Variants in MPDZ observed in about 807,000 individuals in gnomAD.
MPDZ encodes multiple PDZ domain protein.
A neutral mutation model predicts 239.1 loss-of-function variants in MPDZ; 234 were observed. The observed-to-expected ratio is 0.98, with a 90% CI of 0.88 to 1.09. The LOEUF (loss-of-function observed/expected upper bound fraction) is 1.09, where lower values mean the gene tolerates loss of function less well. Ranked by LOEUF, MPDZ falls within the 50% of genes least tolerant of loss-of-function variation. The probability of loss-of-function intolerance (pLI) is 0.00; values close to 1 mark genes in which losing one functional copy is unlikely to be tolerated. For synonymous variants in MPDZ, 1,048 were observed against 881.3 expected (o/e 1.19, Z -3.35); for missense variants, 3,175 against 2,510.0 (o/e 1.26, Z -5.66).
At chr9:13,257,384 A>G (rs1296875015) in intron 1 of MPDZ, among the ~76,000 whole-genome samples, 1 of 152,202 alleles carries the variant, frequency 6.6e-6, no homozygotes, top group African/African-American at 2.4e-5. Context: ...AACAGCTAGT[A>G]AATGGGAGAA....
chr9:13,198,368 T>C (rs1955913050), intron 12 of MPDZ, among the ~76,000 whole-genome samples: 1 of 152,172 alleles, frequency 6.6e-6, no homozygotes, highest in Non-Finnish European at 1.5e-5. Context: ...TTTTTTCATA[T>C]ACCTATTGGC....
At chr9:13,220,550 G>A (rs974840032) in intron 7 of MPDZ, among the ~76,000 whole-genome samples, 1 of 151,878 alleles carries the variant, frequency 6.6e-6, no homozygotes, top group African/African-American at 2.4e-5. Context: ...GCTAGTCAAC[G>A]AGAGACATTT....
At chr9:13,275,790 G>C (rs1258138833) in intron 1 of MPDZ, among the ~76,000 whole-genome samples, 1 of 152,006 alleles carries the variant, frequency 6.6e-6, no homozygotes, top group African/African-American at 2.4e-5. Flanking sequence ...CTTTTCCCCT[G>C]GGCACAAATC....
intron 1 of MPDZ, among the ~76,000 whole-genome samples, chr9:13,262,542 T>C (rs1029170190): frequency 4.0e-5 from 6 of 151,770 alleles, no homozygotes; most frequent in African/African-American, 1.5e-4. Flanking sequence ...TTCAGCCAAG[T>C]ATACACGTTA....
chr9:13,155,453 A>G (rs1314536554), intron 24 of MPDZ, among the ~76,000 whole-genome samples: 1 of 152,164 alleles, frequency 6.6e-6, no homozygotes, highest in African/African-American at 2.4e-5. Context: ...AAACTATGGT[A>G]TATTCACATA....
chr9:13,148,160 T>C (rs548204223), intron 25 of MPDZ, among the ~76,000 whole-genome samples: 103 of 152,174 alleles, frequency 6.8e-4, no homozygotes, highest in African/African-American at 2.0e-3. Context: ...ATGGTAAGGT[T>C]AGTTTTGCAA....
At chr9:13,203,570 A>G (rs1956634340) in intron 12 of MPDZ, among the ~76,000 whole-genome samples, 1 of 152,152 alleles carries the variant, frequency 6.6e-6, no homozygotes, top group African/African-American at 2.4e-5. Flanking sequence ...CACGATGTGT[A>G]AAATATCTGT....
intron 3 of MPDZ, among the ~76,000 whole-genome samples, chr9:13,226,693 C>T (rs1212648970): frequency 1.3e-5 from 2 of 152,112 alleles, no homozygotes; most frequent in Non-Finnish European, 2.9e-5. Flanking sequence ...ACCACCTGAT[C>T]CACACCCTGC....
At chr9:13,217,054 C>T (rs1023397076) in intron 9 of MPDZ, 126 bp downstream of exon 9, 2 of 813,772 alleles carry the variant, frequency 2.5e-6, no homozygotes, top group Admixed American at 2.9e-5. Context: ...CTAAATTATT[C>T]CTAAGGAAGT....
chr9:13,234,934 A>G (rs1217749055), intron 3 of MPDZ, among the ~76,000 whole-genome samples: 2 of 152,108 alleles, frequency 1.3e-5, no homozygotes, highest in Non-Finnish European at 2.9e-5. Context: ...GATCCCAACT[A>G]TGAAATGCAA....
chr9:13,168,414 T>A lies in MPDZ; in HGVS notation c.3206A>T (p.Gln1069Leu), dbSNP rs766084945. ...ATGTCTTCTCAACATAGCTCGTGCC[T>A]GGGCATTGGTTACACTGATGGTAGA... ...EESTISVTNA[Q>L]ARAMLRRHSL... Residue 1069 changes from glutamine to leucine, a missense_variant, in exon 22 of 47, where the codon CAG becomes CTG. Coordinates refer to ENST00000319217, the MANE Select transcript of MPDZ (RefSeq NM_001378778.1). The A allele has an allele frequency of 6.2e-7, 1 of 1,613,564 alleles. No individual in the cohort carries two copies. Among genetic ancestry groups the A allele is most frequent in the Non-Finnish European group, 8.5e-7 (1 of 1,179,586 alleles).
intron 12 of MPDZ, among the ~76,000 whole-genome samples, chr9:13,201,454 T>G (rs1956381632): frequency 1.3e-5 from 2 of 152,024 alleles, no homozygotes; most frequent in South Asian, 4.1e-4. Context: ...CTGGATGGTG[T>G]TGTCTTTCTC....
Position 13,221,486 on chromosome 9 carries a change from G to C in MPDZ, c.762C>G (p.His254Gln). The C allele has an allele frequency of 6.2e-7, 1 of 1,610,226 alleles. No homozygotes were observed. Among genetic ancestry groups the C allele is most frequent in the East Asian group, 2.2e-5 (1 of 44,672 alleles). Residue 254 changes from histidine to glutamine, a missense_variant, in exon 7 of 47, where the codon CAC (histidine) becomes CAG (glutamine). Coordinates refer to ENST00000319217, the MANE Select transcript of MPDZ (RefSeq NM_001378778.1). ...SAHSNPVHWQ[H>Q]METIELVNDG... ...CATTCACCAATTCAATCGTTTCCAT[G>C]TGTTGCCAGTGAACCTACAAACAAA... is the stretch of plus-strand genomic sequence containing the variant.
At chr9:13,233,493 C>T (rs1320201908) in intron 3 of MPDZ, among the ~76,000 whole-genome samples, 3 of 151,682 alleles carry the variant, frequency 2.0e-5, no homozygotes, top group Non-Finnish European at 4.4e-5. Flanking sequence ...ATAGTGATTC[C>T]TAAAGGGGAG....
At chr9:13,117,447 C>T (rs917555881) in intron 39 of MPDZ, among the ~76,000 whole-genome samples, 5 of 151,160 alleles carry the variant, frequency 3.3e-5, no homozygotes, top group South Asian at 4.2e-4. Context: ...AGGAGAATGG[C>T]GTGAACCCGG....
At chr9:13,220,143 T>A (rs1344671300) in intron 7 of MPDZ, among the ~76,000 whole-genome samples, 1 of 152,000 alleles carries the variant, frequency 6.6e-6, no homozygotes, top group African/African-American at 2.4e-5. Flanking sequence ...TGCAAATATA[T>A]ATTACCTAAA....
At chr9:13,142,990 G>C (rs549194602) in intron 27 of MPDZ, among the ~76,000 whole-genome samples, 4 of 151,960 alleles carry the variant, frequency 2.6e-5, no homozygotes, top group Non-Finnish European at 5.9e-5. Context: ...CAATTACATG[G>C]GCATGCTTCA....
At chr9:13,163,096 A>AT (rs552723217) in intron 22 of MPDZ, among the ~76,000 whole-genome samples, 158 of 152,060 alleles carry the variant, frequency 1.0e-3, no homozygotes, top group African/African-American at 3.7e-3. Flanking sequence ...GCTAACAACA[A>AT]TTTTTTTTAA....
intron 10 of MPDZ, among the ~76,000 whole-genome samples, chr9:13,206,576 ACT>A (rs1564028464): frequency 7.1e-6 from 1 of 141,012 alleles, no homozygotes; most frequent in African/African-American, 2.7e-5. Context: ...TTTCTTTCTC[ACT>A]CTGTCACCAG....
Sources: allele counts gnomAD v4.1 joint callset (sites outside exome capture counted in the v4.1 genomes callset), GRCh38; gene constraint gnomAD v4.1.1; transcripts MANE v1.5; gene names NCBI Gene and HGNC (gene_info 2026-07-23, HGNC 2026-07-21).